PCF11: variants seen among roughly 807,000 people sequenced by gnomAD.
The protein encoded by PCF11 is PCF11 cleavage and polyadenylation factor subunit.
PCF11 carries 19 observed loss-of-function variants against 166.1 expected under a neutral mutation model. That is an observed-to-expected ratio of 0.11 (90% confidence interval 0.08 to 0.17). PCF11 has a LOEUF of 0.17. PCF11 is among the 10% of genes least tolerant of loss of function. PCF11 has a pLI of 1.00. For missense variants in PCF11, 1,565 were observed against 1,855.5 expected, an observed-to-expected ratio of 0.84 and a Z score of 2.88; for synonymous variants, 663 against 644.1, an observed-to-expected ratio of 1.03 and a Z score of -0.44.
At chr11:83,180,386 AT>A (rs57035891) in intron 11 of PCF11, 14,823 of 138,634 alleles carry the variant, frequency 0.11, 833 homozygotes, top group Middle Eastern at 0.23. Context: ...GTGCCCGGCT[AT>A]TTTTTTTTTT....
In PCF11 at chr11:83,164,200, C is replaced by T; in HGVS notation, c.508-7C>T. 6.3e-7 allele frequency: 1 copy of T among 1,588,704 alleles called. No individual in the cohort carries two copies. The highest frequency in any genetic ancestry group is 8.5e-7 in the Non-Finnish European group (1 of 1,170,964). On this transcript the variant is annotated splice_region_variant and splice_polypyrimidine_tract_variant and intron_variant, in intron 3 of 15. Transcript: ENST00000298281. ...GTTTTTCTTAAACAAATTGTCTTTT[C>T]TTATAGCCCGAGGAGCCTTCAACAC...
chr11:83,166,134 G>C (rs761104391), exon 5 of PCF11: 2 of 1,610,196 alleles, frequency 1.2e-6, no homozygotes, highest in East Asian at 4.5e-5. Flanking sequence ...GGATAAGACC[G>C]ATGGCAAAGA....
exon 8 of PCF11, chr11:83,169,955 C>G (rs371158479): frequency 6.2e-7 from 1 of 1,605,258 alleles, no homozygotes; most frequent in Non-Finnish European, 8.5e-7. Flanking sequence ...GGCAATATAC[C>G]TGCTCCAATG....
At chr11:83,160,299 T>G (rs1006390174) in intron 1 of PCF11, among the ~76,000 whole-genome samples, 1 of 144,036 alleles carries the variant, frequency 6.9e-6, no homozygotes, top group Non-Finnish European at 1.5e-5. Flanking sequence ...ACACGTGGGG[T>G]GGGTAAATGG....
intron 1 of PCF11, chr11:83,159,014 T>C (rs1156392502): frequency 1.3e-5 from 2 of 152,208 alleles, no homozygotes; most frequent in Admixed American, 6.5e-5. Context: ...CCATCCACTC[T>C]TTTGGGTAAA....
chr11:83,178,871 A>T (rs1860982107), intron 11 of PCF11, among the ~76,000 whole-genome samples: 1 of 152,178 alleles, frequency 6.6e-6, no homozygotes, highest in African/African-American at 2.4e-5. Flanking sequence ...GGAAAATTAG[A>T]ACATACTATA....
Position 83,183,666 on chromosome 11 carries a change from T to C in PCF11, c.4452+593T>C, listed in dbSNP as rs566898657. Among the ~76,000 whole-genome samples, 8 of 152,028 alleles carry C rather than the reference T, an allele frequency of 5.3e-5. No individual in the cohort carries two copies. The South Asian group carries it at 1.5e-3, about 28-fold the overall frequency. On this transcript the variant is annotated intron_variant, in intron 15 of 15. Coordinates refer to ENST00000298281, the Ensembl canonical transcript of PCF11. ...CCACCACACCTGGCTAATTTTGTATTTTTAGTAGAGACAGGGTTTCACCAC... is the reference window on the plus strand; with the variant it reads ...CCACCACACCTGGCTAATTTTGTATCTTTAGTAGAGACAGGGTTTCACCAC...
chr11:83,167,830 G>T lies in PCF11; in HGVS notation c.2092+325G>T, dbSNP rs1271736189. 1 of 1,324,142 alleles carries T rather than the reference G, an allele frequency of 7.6e-7. No homozygotes were observed. 82.0% of individuals were successfully genotyped at this position (1,324,142 alleles called of 1,614,324 possible). ...CGTCTTTCTCCTATATCTGGGAGTC[G>T]TACTTATGCTGAGAATCTTTCACCC... On this transcript the variant is annotated intron_variant, in intron 7 of 15. Transcript: ENST00000298281. This position sits in a 1 kb window ranked among gnomAD's most constrained non-coding sequence, Gnocchi z 4.2.
At position 83,167,574 on chromosome 11, in the gene PCF11, C is replaced by T. The variant is rs767498180; in HGVS notation, c.2092+69C>T. 3 of 1,558,054 alleles carry T rather than the reference C, an allele frequency of 1.9e-6. No homozygotes were observed. The highest frequency in any genetic ancestry group is 2.6e-6 in the Non-Finnish European group (3 of 1,151,312). On this transcript the variant is annotated intron_variant, in intron 7 of 15. Coordinates refer to ENST00000298281, the Ensembl canonical transcript of PCF11. This position sits in a 1 kb window ranked among gnomAD's most constrained non-coding sequence, Gnocchi z 4.2. ...TAAAGGTGGATTAAAAAAGAAACCT[C>T]TCTTATCTGATGCTGAATTAACCTA...
Position 83,169,657 on chromosome 11 carries a change from C to T in PCF11, c.3322C>T (p.Pro1108Ser), listed in dbSNP as rs186880658. ...TCAGCAAGCATCAAGGTTTGATATT[C>T]CTCTTGGTCTTCAAGGCACAAGATT... is the stretch of plus-strand genomic sequence containing the variant. Residue 1108 changes from proline to serine, a missense_variant, in exon 8 of 16, where the codon CCT (proline) becomes TCT (serine). Physicochemically the swap from Pro to Ser is moderately conservative, Grantham distance 74. Coordinates refer to ENST00000298281, the Ensembl canonical transcript of PCF11. 49 of 1,613,902 alleles carry T rather than the reference C, an allele frequency of 3.0e-5. No individual in the cohort carries two copies. In the East Asian group the frequency reaches 4.7e-4, roughly 15 times the overall value.
rs201325962 is a variant in PCF11 at position 83,169,691 on chromosome 11, A to G, written c.3356A>G (p.His1119Arg). 1.9e-4 allele frequency: 299 copies of G among 1,613,822 alleles called. 3 individuals are homozygous for G. Among genetic ancestry groups the G allele is most frequent in the Middle Eastern group, 1.2e-3 (7 of 6,082 alleles). ...CTTCAAGGCACAAGATTTGACAATCATCCTTCACAAAGGCTTGAATCAGTA... is the reference window on the plus strand; with the variant it reads ...CTTCAAGGCACAAGATTTGACAATCGTCCTTCACAAAGGCTTGAATCAGTA... The change falls in exon 8 of 16, where the codon CAT (histidine) becomes CGT (arginine). Residue 1119 changes from histidine to arginine, a missense_variant. By Grantham distance (29) the His-to-Arg change is conservative (BLOSUM62 0). Transcript: ENST00000298281.
rs201345063 is a variant in PCF11 at position 83,182,538 on chromosome 11, T to G, written c.4416+47T>G. ...GGAAGTGTTAAGATTAGTGTTTTTT[T>G]GTTGGGTTAACACATTACTTTGAAA... On this transcript the variant is annotated intron_variant, in intron 14 of 15. Transcript: ENST00000298281. 209 of 960,378 alleles carry G rather than the reference T, an allele frequency of 2.2e-4. 1 individual carries two copies. In the East Asian group the frequency reaches 4.9e-3, roughly 23 times the overall value. The allele number at this position is 960,378 out of a possible 1,614,324, so 59.5% of individuals were successfully genotyped here.
chr11:83,178,859 G>A (rs1401194669), intron 11 of PCF11, among the ~76,000 whole-genome samples: 1 of 151,752 alleles, frequency 6.6e-6, no homozygotes, highest in African/African-American at 2.4e-5. Context: ...AATGTTAATT[G>A]TGGAAAATTA....
At chr11:83,171,835 T>C in exon 9 of PCF11, 1 of 1,593,818 alleles carries the variant, frequency 6.3e-7, no homozygotes, top group Non-Finnish European at 8.6e-7. Context: ...GTGGTGTTGC[T>C]CAGCCAGTAG....
exon 8 of PCF11, chr11:83,169,499 T>C (rs1457142790): frequency 5.0e-6 from 8 of 1,613,488 alleles, no homozygotes; most frequent in Non-Finnish European, 6.8e-6. Flanking sequence ...TTTGATGGAT[T>C]ACATGGTCAG....
chr11:83,161,494 ATG>A (rs1860251804), intron 2 of PCF11, 42 bp downstream of exon 2: 1 of 1,423,578 alleles, frequency 7.0e-7, no homozygotes, highest in Non-Finnish European at 9.4e-7. Context: ...TTTTTAAAAA[ATG>A]TGTTCCTGAT....
intron 1 of PCF11, among the ~76,000 whole-genome samples, chr11:83,160,247 A>G (rs553433490): frequency 1.3e-5 from 2 of 150,346 alleles, no homozygotes; most frequent in Non-Finnish European, 1.5e-5. Flanking sequence ...CCCTAGCTTC[A>G]GGCAGCTATG....
Position 83,169,167 on chromosome 11 carries a change from G to C in PCF11, c.2832G>C (p.Glu944Asp), listed in dbSNP as rs200338689. 1.1e-3 allele frequency: 1,754 copies of C among 1,613,008 alleles called. 7 individuals carry two copies. Among genetic ancestry groups the C allele is most frequent in the South Asian group, 8.5e-3 (777 of 91,014 alleles). Residue 944 changes from glutamate (E) to aspartate (D), a missense_variant, in exon 8 of 16, where the codon GAG becomes GAC. By Grantham distance (45) the Glu-to-Asp change is conservative. Transcript: ENST00000298281. Reference sequence around the variant, plus strand: ...AGCCAGGAGGTGGAATCAGATTTGAGGGCCCTTTGCTACAGCAAGGGGTTG... The same window carrying C: ...AGCCAGGAGGTGGAATCAGATTTGACGGCCCTTTGCTACAGCAAGGGGTTG...
intron 11 of PCF11, among the ~76,000 whole-genome samples, chr11:83,179,883 A>T (rs955527553): frequency 5.9e-5 from 9 of 151,940 alleles, no homozygotes; most frequent in Non-Finnish European, 1.3e-4. Context: ...GGGCCACTGC[A>T]CTGCATCCTG....
Sources: allele counts gnomAD v4.1 joint callset (sites outside exome capture counted in the v4.1 genomes callset), GRCh38; gene constraint gnomAD v4.1.1; non-coding constraint Gnocchi (gnomAD v3.1); transcripts MANE v1.5; gene names NCBI Gene and HGNC (gene_info 2026-07-23, HGNC 2026-07-21).